Variants in PRKCB observed in about 807,000 individuals in gnomAD.
PRKCB encodes the protein protein kinase C beta type.
Under a neutral mutation model 81.5 loss-of-function variants are expected in PRKCB, and 13 were observed. The ratio of observed to expected loss-of-function variants is 0.16; its 90% CI spans 0.10 to 0.25. The LOEUF (loss-of-function observed/expected upper bound fraction) is 0.25. Ranked by LOEUF, PRKCB falls within the 10% of genes least tolerant of loss-of-function variation. The pLI, the probability that PRKCB is intolerant of heterozygous loss-of-function variation, is 1.00. For missense variants in PRKCB, 509 were observed against 875.7 expected (o/e 0.58, Z 5.29); for synonymous variants, 335 against 321.4 (o/e 1.04, Z -0.45).
chr16:24,192,757 A>G (rs1042101239), intron 16 of PRKCB, among the ~76,000 whole-genome samples: 3 of 152,130 alleles, frequency 2.0e-5, no homozygotes, highest in Non-Finnish European at 2.9e-5. Context: ...TGAGCACTTT[A>G]GGAATGAAGT....
At chr16:23,897,840 T>C (rs1011248995) in intron 2 of PRKCB, among the ~76,000 whole-genome samples, 41 of 152,188 alleles carry the variant, frequency 2.7e-4, no homozygotes, top group African/African-American at 9.4e-4. Context: ...CATCCATCCA[T>C]CCACCCATCC....
chr16:24,040,373 C>T (rs1364086652), intron 5 of PRKCB, among the ~76,000 whole-genome samples: 2 of 152,136 alleles, frequency 1.3e-5, no homozygotes, highest in Non-Finnish European at 2.9e-5. Flanking sequence ...TTTGCCATTG[C>T]CATCTTCTCT....
Position 24,158,571 on chromosome 16 carries a change from T to A in PRKCB, c.1239+3714T>A, listed in dbSNP as rs200335541. Reference sequence around the variant, plus strand: ...ATGTATATGTATATGTATATGTATATGTATATGTATATGTATATGTATATG... The same window carrying A: ...ATGTATATGTATATGTATATGTATAAGTATATGTATATGTATATGTATATG... On this transcript the variant is annotated intron_variant, in intron 10 of 16. Coordinates refer to ENST00000643927, the MANE Select transcript of PRKCB (RefSeq NM_002738.7). 8.7e-4 allele frequency among the ~76,000 whole-genome samples: 132 copies of A among 152,026 alleles called. 1 individual carries two copies. Among genetic ancestry groups the A allele is most frequent in the East Asian group, 3.9e-3 (20 of 5,170 alleles).
chr16:24,071,857 T>C (rs745377559), intron 5 of PRKCB, among the ~76,000 whole-genome samples: 1 of 152,092 alleles, frequency 6.6e-6, no homozygotes, highest in Admixed American at 6.5e-5. Context: ...GCAGTAACCA[T>C]GCCCAAGCCT....
At chr16:24,001,618 A>G (rs1226568961) in intron 3 of PRKCB, among the ~76,000 whole-genome samples, 3 of 152,246 alleles carry the variant, frequency 2.0e-5, no homozygotes, top group Non-Finnish European at 4.4e-5. Context: ...GAAAACCAGA[A>G]TAGGCAAATA....
At chr16:23,841,115 G>A (rs538512167) in intron 2 of PRKCB, among the ~76,000 whole-genome samples, 24 of 152,082 alleles carry the variant, frequency 1.6e-4, no homozygotes, top group African/African-American at 5.5e-4. Context: ...GTCTCACTCT[G>A]TTGCCCAGGC....
At chr16:24,075,030 G>A (rs1248780658) in intron 5 of PRKCB, among the ~76,000 whole-genome samples, 1 of 151,176 alleles carries the variant, frequency 6.6e-6, no homozygotes, top group Non-Finnish European at 1.5e-5. Flanking sequence ...GAGGCAGAAG[G>A]CTCACATGAG....
chr16:24,158,542 GTATATGTA>G, intron 10 of PRKCB, among the ~76,000 whole-genome samples: 1 of 5,620 alleles, frequency 1.8e-4, no homozygotes, highest in Admixed American at 1.0e-3. Context: ...ATATGTATAA[GTATATGTA>G]TATGTATATG....
At chr16:24,091,965 G>A (rs1331685410) in intron 5 of PRKCB, among the ~76,000 whole-genome samples, 3 of 152,164 alleles carry the variant, frequency 2.0e-5, no homozygotes. Context: ...TTGGTTTAGA[G>A]GGTAATTCTT....
At position 24,043,404 on chromosome 16, in the gene PRKCB, C is replaced by A. The variant is rs73544650; in HGVS notation, c.529+7857C>A. Among the ~76,000 whole-genome samples the A allele has an allele frequency of 1.0e-2, 1,518 of 152,182 alleles. 23 individuals are homozygous for A. Among genetic ancestry groups the A allele is most frequent in the African/African-American group, 0.034 (1,418 of 41,498 alleles). On this transcript the variant is annotated intron_variant, in intron 5 of 16. Coordinates refer to ENST00000643927, the MANE Select transcript of PRKCB (RefSeq NM_002738.7). ...AAAATGCCTTTAAAAACTCAATACA[C>A]CTGCTTTATTTTGCTTTTTTTTTAG...
At chr16:24,172,674 C>T (rs1038329448) in intron 11 of PRKCB, among the ~76,000 whole-genome samples, 1 of 151,990 alleles carries the variant, frequency 6.6e-6, no homozygotes, top group African/African-American at 2.4e-5. Context: ...GACGAGATCT[C>T]GTCTCTATAA....
intron 2 of PRKCB, among the ~76,000 whole-genome samples, chr16:23,897,749 A>G (rs997003166): frequency 6.6e-6 from 1 of 151,742 alleles, no homozygotes; most frequent in Non-Finnish European, 1.5e-5. Flanking sequence ...ATCTCTCAAC[A>G]CTCTATATAT....
At chr16:24,190,931 G>A (rs1263480302) in intron 15 of PRKCB, among the ~76,000 whole-genome samples, 159 bp from the exon 16 acceptor site, 1 of 152,142 alleles carries the variant, frequency 6.6e-6, no homozygotes, top group Admixed American at 6.6e-5. Flanking sequence ...GCAAATTCCT[G>A]GCTGGGATTT....
At chr16:23,906,157 C>T (rs796398462) in intron 2 of PRKCB, among the ~76,000 whole-genome samples, 2 of 152,334 alleles carry the variant, frequency 1.3e-5, no homozygotes, top group African/African-American at 4.8e-5. Context: ...GATCTGTTCA[C>T]ACTTCCCTCA....
At chr16:24,094,878 GGAA>G (rs891169727) in intron 7 of PRKCB, among the ~76,000 whole-genome samples, 4 of 148,924 alleles carry the variant, frequency 2.7e-5, no homozygotes, top group Admixed American at 1.3e-4. Flanking sequence ...GAAAGGGAAA[GGAA>G]GAAGAAAGAA....
chr16:23,933,683 T>C (rs1013961522), intron 2 of PRKCB, among the ~76,000 whole-genome samples: 1 of 121,540 alleles, frequency 8.2e-6, no homozygotes, highest in African/African-American at 3.1e-5. Flanking sequence ...CATCATCTTC[T>C]GTTTGTTGAT....
At chr16:23,970,339 G>T (rs890353854) in intron 2 of PRKCB, among the ~76,000 whole-genome samples, 1 of 152,158 alleles carries the variant, frequency 6.6e-6, no homozygotes, top group Non-Finnish European at 1.5e-5. Context: ...TGGAGTGGGC[G>T]GTTGTCCCAG....
At chr16:23,857,399 G>A (rs150505704) in intron 2 of PRKCB, among the ~76,000 whole-genome samples, 28 of 152,292 alleles carry the variant, frequency 1.8e-4, no homozygotes, top group South Asian at 2.1e-4. Context: ...GCAGAGAGCC[G>A]CCAGAAGATG....
chr16:24,157,188 A>T (rs1381387356), intron 10 of PRKCB, among the ~76,000 whole-genome samples: 7 of 152,160 alleles, frequency 4.6e-5, no homozygotes, highest in Non-Finnish European at 7.4e-5. Flanking sequence ...AGGGATTGTC[A>T]TGTGCCAGGG....
Sources: gnomAD v4.1 joint callset for allele counts (sites outside exome capture counted in the v4.1 genomes callset) on GRCh38, gnomAD v4.1.1 for gene constraint, MANE v1.5 for transcripts, NCBI Gene and HGNC (gene_info 2026-07-23, HGNC 2026-07-21) for gene names.